The following DOCK7 variants were observed in gnomAD, a reference collection of about 807,000 sequenced individuals.
DOCK7 encodes dedicator of cytokinesis 7.
DOCK7 carries 138 observed loss-of-function variants against 271.0 expected under a neutral mutation model. The ratio of observed to expected loss-of-function variants is 0.51; its 90% confidence interval spans 0.44 to 0.59. DOCK7 has a LOEUF of 0.59. Ranked by LOEUF, DOCK7 falls within the 20% of genes least tolerant of loss-of-function variation. The pLI is 0.00. For synonymous variants in DOCK7, 823 were observed against 876.1 expected, an observed-to-expected ratio of 0.94 and a Z score of 1.07; for missense variants, 2,066 against 2,592.4, an observed-to-expected ratio of 0.80 and a Z score of 4.41.
At position 62,601,166 on chromosome 1, in the gene DOCK7, T is replaced by C. The variant is rs200655658; in HGVS notation, c.1683-14542A>G. 215 of 1,609,108 alleles carry C rather than the reference T, an allele frequency of 1.3e-4. 1 individual carries two copies. The highest frequency in any genetic ancestry group is 1.7e-4 in the Non-Finnish European group (200 of 1,176,136). ...ACCAAGAACTACTCCCTTTCTTCAG[T>C]TGAATGAAATAAGAAATGTAAAACA... is the stretch of plus-strand genomic sequence containing the variant. On this transcript the variant is annotated intron_variant, in intron 14 of 49. Coordinates refer to ENST00000635253, the MANE Select transcript of DOCK7 (RefSeq NM_001367561.1).
At position 62,494,664 on chromosome 1, in the gene DOCK7, T is replaced by TG. The variant is rs55853774; in HGVS notation, c.5025-198dup. On this transcript the variant is annotated intron_variant, in intron 39 of 49. Coordinates refer to ENST00000635253, the MANE Select transcript of DOCK7 (RefSeq NM_001367561.1). Reference sequence around the variant, plus strand: ...CTATGGAATGGATAATATCAGTTGGTGGGGGGGGCAGGAGGGGCAAAAAAG... The same window carrying TG: ...CTATGGAATGGATAATATCAGTTGGTGGGGGGGGGCAGGAGGGGCAAAAAAG... 47,518 of 286,044 alleles carry TG rather than the reference T, an allele frequency of 0.17. 5,619 individuals carry two copies. The highest frequency in any genetic ancestry group is 0.31 in the African/African-American group (13,524 of 43,398). The allele number at this position is 286,044 out of a possible 1,614,324, so 17.7% of individuals were successfully genotyped here. A position where few individuals can be genotyped will look rare whatever the true frequency, so the allele number is the denominator to read the frequency against.
At chr1:62,565,617 G>A (rs187091734) in intron 18 of DOCK7, among the ~76,000 whole-genome samples, 281 of 152,124 alleles carry the variant, frequency 1.8e-3, no homozygotes, top group African/African-American at 6.3e-3. Context: ...CTGAATAGGC[G>A]AAAACTGGAA....
intron 49 of DOCK7, 83 bp from the exon 50 acceptor site, chr1:62,455,539 G>A: frequency 7.6e-7 from 1 of 1,321,782 alleles, no homozygotes; most frequent in Admixed American, 1.8e-5. Context: ...GGTTTTTTCT[G>A]CCAGTTACCT....
rs192323665 is a variant in DOCK7, at chr1:62,627,654, C to T, written c.1283-2253G>A. The stretch of plus-strand genomic sequence containing the variant: ...TTCCATTTAAAATATTATCAAGAAA[C>T]GATAAAATACTACGGTATAAATTTA... On this transcript the variant is annotated intron_variant, in intron 11 of 49. Transcript: ENST00000635253. The T allele has an allele frequency of 2.1e-3, 319 of 151,334 alleles. 2 individuals are homozygous for T. The highest frequency in any genetic ancestry group is 7.3e-3 in the African/African-American group (302 of 41,218). 9.4% of individuals were successfully genotyped at this position (151,334 alleles called of 1,614,324 possible).
chr1:62,537,804 T>C, intron 28 of DOCK7, 87 bp downstream of exon 28: 4 of 1,220,040 alleles, frequency 3.3e-6, no homozygotes, highest in Non-Finnish European at 2.3e-6. Flanking sequence ...ACAGCTGTTA[T>C]TCAATAAGTG....
chr1:62,617,995 T>A (rs1652667947), intron 14 of DOCK7, among the ~76,000 whole-genome samples: 1 of 152,020 alleles, frequency 6.6e-6, no homozygotes, highest in African/African-American at 2.4e-5. Flanking sequence ...AAAAATATAC[T>A]AGGATGGGGA....
chr1:62,683,566 T>C (rs1336883869), intron 1 of DOCK7, among the ~76,000 whole-genome samples: 1 of 152,150 alleles, frequency 6.6e-6, no homozygotes, highest in African/African-American at 2.4e-5. Context: ...CTGGCATAAC[T>C]TTAGGGATAG....
At chr1:62,578,698 G>C in intron 17 of DOCK7, 130 bp downstream of exon 17, 1 of 901,406 alleles carries the variant, frequency 1.1e-6, no homozygotes, top group Non-Finnish European at 1.5e-6. Flanking sequence ...CTCCAGCCTG[G>C]GAGACAGAGA....
At chr1:62,456,055 A>G (rs1292974113) in intron 49 of DOCK7, among the ~76,000 whole-genome samples, 6 of 152,340 alleles carry the variant, frequency 3.9e-5, no homozygotes, top group South Asian at 2.1e-4. Flanking sequence ...CTTAATGCCT[A>G]TGTTCTCACA....
At chr1:62,580,147 G>A (rs991732941) in intron 16 of DOCK7, among the ~76,000 whole-genome samples, 4 of 152,114 alleles carry the variant, frequency 2.6e-5, no homozygotes, top group African/African-American at 9.7e-5. Context: ...CACCAATCAG[G>A]TTTTCTTCCT....
chr1:62,539,489 G>T (rs974402932), intron 27 of DOCK7, 56 bp downstream of exon 27: 1 of 1,425,088 alleles, frequency 7.0e-7, no homozygotes, highest in African/African-American at 1.4e-5. Context: ...ACTTTGAAAA[G>T]AACTAACATA....
At position 62,648,536 on chromosome 1, in the gene DOCK7, T is replaced by A; in HGVS notation, c.398A>T (p.Lys133Ile). 1 of 1,328,792 alleles carries A rather than the reference T, an allele frequency of 7.5e-7. No homozygotes were observed. The allele number at this position is 1,328,792 out of a possible 1,614,324, so 82.3% of individuals were successfully genotyped here. ...ATTGGGATTAAATCCTGTTCCCAAT[T>A]TATGATATCTATTAAAGAAAAAAAG... ...DWAIVIRKYH[K>I]LGTGFNPNTL... is the part of the protein sequence containing the mutation. Residue 133 changes from lysine to isoleucine, a missense_variant, in exon 5 of 50, where the codon AAA becomes ATA. This residue lies in a region of DOCK7 where 1,414 missense variants were observed against 1,670.4 expected (regional missense o/e 0.85). Transcript: ENST00000635253.
chr1:62,595,556 T>G (rs1490526596), intron 14 of DOCK7, among the ~76,000 whole-genome samples: 1 of 152,140 alleles, frequency 6.6e-6, no homozygotes, highest in Non-Finnish European at 1.5e-5. Flanking sequence ...CTACTGTAAC[T>G]ATTATACCCA....
At chr1:62,621,143 A>C (rs1043704211) in intron 12 of DOCK7, among the ~76,000 whole-genome samples, 1 of 151,754 alleles carries the variant, frequency 6.6e-6, no homozygotes, top group Non-Finnish European at 1.5e-5. Context: ...AGAGAGAGGA[A>C]GAAGAGGGAG....
intron 48 of DOCK7, among the ~76,000 whole-genome samples, chr1:62,463,159 T>C (rs1265090497): frequency 1.3e-5 from 2 of 152,166 alleles, no homozygotes; most frequent in Non-Finnish European, 1.5e-5. Flanking sequence ...GACTTGAATA[T>C]GTAACTTTAC....
At chr1:62,614,170 C>A (rs1005435169) in intron 14 of DOCK7, among the ~76,000 whole-genome samples, 1 of 152,164 alleles carries the variant, frequency 6.6e-6, no homozygotes, top group South Asian at 2.1e-4. Flanking sequence ...TCACCATGAT[C>A]CAGCATAACC....
At chr1:62,479,162 A>G (rs1646047078) in intron 43 of DOCK7, among the ~76,000 whole-genome samples, 1 of 152,112 alleles carries the variant, frequency 6.6e-6, no homozygotes, top group Admixed American at 6.6e-5. Context: ...TCTGCTTTAT[A>G]TTTATTTTTC....
intron 18 of DOCK7, among the ~76,000 whole-genome samples, chr1:62,575,787 T>G (rs1646926295): frequency 6.6e-6 from 1 of 152,230 alleles, no homozygotes; most frequent in Non-Finnish European, 1.5e-5. Flanking sequence ...ATATTCTTGA[T>G]CTGTGAGCAT....
intron 22 of DOCK7, among the ~76,000 whole-genome samples, chr1:62,549,706 T>TTTAATAAA (rs1645830724): frequency 6.6e-6 from 1 of 152,116 alleles, no homozygotes; most frequent in African/African-American, 2.4e-5. Flanking sequence ...ATAAACAGTA[T>TTTAATAAA]TTACCTATTT....
Sources: allele counts gnomAD v4.1 joint callset (sites outside exome capture counted in the v4.1 genomes callset), GRCh38; gene constraint gnomAD v4.1.1; regional missense constraint gnomAD v4.1.1; transcripts MANE v1.5; gene names NCBI Gene and HGNC (gene_info 2026-07-23, HGNC 2026-07-21).